Variants in PCLO observed in about 807,000 individuals in gnomAD.
PCLO encodes piccolo presynaptic cytomatrix protein.
A neutral mutation model predicts 427.5 loss-of-function variants in PCLO; 82 were observed. The ratio of observed to expected loss-of-function variants is 0.19; its 90% confidence interval spans 0.16 to 0.23. PCLO has a LOEUF of 0.23. Among genes scored for constraint, PCLO ranks in the 10% least tolerant of loss-of-function variants. PCLO has a pLI of 1.00. For missense variants in PCLO, 6,239 were observed against 6,115.9 expected (o/e 1.02, Z -0.67); for synonymous variants, 2,357 against 2,155.4 (o/e 1.09, Z -2.59).
intron 3 of PCLO, among the ~76,000 whole-genome samples, chr7:83,048,505 G>A (rs1789156477): frequency 6.6e-6 from 1 of 151,868 alleles, no homozygotes; most frequent in African/African-American, 2.4e-5. Flanking sequence ...CCACACCCCA[G>A]GTCACCCAGA....
intron 22 of PCLO, among the ~76,000 whole-genome samples, chr7:82,782,710 T>A (rs1157499246): frequency 1.3e-5 from 2 of 152,352 alleles, no homozygotes; most frequent in East Asian, 1.9e-4. Flanking sequence ...TTTCAGAAAT[T>A]TACTACGGTT....
chr7:82,892,399 T>C (rs1237641355), intron 9 of PCLO, among the ~76,000 whole-genome samples: 3 of 152,136 alleles, frequency 2.0e-5, no homozygotes, highest in Non-Finnish European at 2.9e-5. Flanking sequence ...ACTGGATCCC[T>C]TCCTTACACC....
At chr7:83,091,664 G>C (rs1469828906) in intron 3 of PCLO, among the ~76,000 whole-genome samples, 1 of 151,966 alleles carries the variant, frequency 6.6e-6, no homozygotes, top group Non-Finnish European at 1.5e-5. Flanking sequence ...TGTCAATTTT[G>C]TACATTTGCT....
intron 2 of PCLO, among the ~76,000 whole-genome samples, chr7:83,147,112 G>A (rs1315170614): frequency 6.6e-6 from 1 of 150,400 alleles, no homozygotes; most frequent in East Asian, 1.9e-4. Flanking sequence ...ACTTATGTAT[G>A]TATATAATAT....
At chr7:83,126,902 T>C (rs73180547) in intron 3 of PCLO, among the ~76,000 whole-genome samples, 4,950 of 152,172 alleles carry the variant, frequency 0.033, 107 homozygotes, top group Middle Eastern at 0.068. Context: ...TACTAGTTAA[T>C]GTAGGAAAAA....
chr7:82,878,739 G>T (rs1396801170), intron 10 of PCLO, among the ~76,000 whole-genome samples: 1 of 152,172 alleles, frequency 6.6e-6, no homozygotes, highest in Non-Finnish European at 1.5e-5. Flanking sequence ...TAGTACAGGG[G>T]TTAGCAAATG....
At chr7:82,922,924 A>G (rs1794631879) in intron 6 of PCLO, among the ~76,000 whole-genome samples, 1 of 152,026 alleles carries the variant, frequency 6.6e-6, no homozygotes. Flanking sequence ...CATCATAATA[A>G]TATCTTGGAT....
chr7:82,757,925 G>A lies in PCLO; in HGVS notation c.*650C>T, dbSNP rs1249706206. 6.6e-6 allele frequency: 1 copy of A among 151,882 alleles called. No individual in the cohort carries two copies. The highest frequency in any genetic ancestry group is 1.5e-5 in the Non-Finnish European group (1 of 67,898). The allele number at this position is 151,882 out of a possible 1,614,324, so 9.4% of individuals were successfully genotyped here. On this transcript the variant is annotated 3_prime_UTR_variant, in exon 25 of 25. Transcript: ENST00000333891. Reference sequence around the variant, plus strand: ...AGAAACAAATGTGCTTTTACCACATGGATTCCAAAGTCAGTGTTGTATATG... The same window carrying A: ...AGAAACAAATGTGCTTTTACCACATAGATTCCAAAGTCAGTGTTGTATATG...
chr7:82,845,372 G>A lies in PCLO; in HGVS notation c.13945C>T (p.His4649Tyr). 6.2e-7 allele frequency: 1 copy of A among 1,613,328 alleles called. No individual in the cohort carries two copies. Among genetic ancestry groups the A allele is most frequent in the South Asian group, 1.1e-5 (1 of 91,070 alleles). ...VLSSVVEKGS[H>Y]VHSGPTSAGS... ...GCTGATGTAGGACCTGAATGAACAT[G>A]AGATCCTTTTTCAACAACTGATGAC... Residue 4649 changes from histidine (H) to tyrosine (Y), a missense_variant, in exon 13 of 25, where the codon CAT becomes TAT. By Grantham distance (83) the His-to-Tyr change is moderately conservative. Coordinates refer to ENST00000333891, the MANE Select transcript of PCLO (RefSeq NM_033026.6).
At chr7:83,093,029 G>A (rs1790421204) in intron 3 of PCLO, among the ~76,000 whole-genome samples, 1 of 150,348 alleles carries the variant, frequency 6.7e-6, no homozygotes, top group South Asian at 2.1e-4. Context: ...TAAATATTAT[G>A]TCTACTGAAT....
At chr7:82,788,427 C>G (rs980901997) in intron 22 of PCLO, among the ~76,000 whole-genome samples, 1 of 151,642 alleles carries the variant, frequency 6.6e-6, no homozygotes. Flanking sequence ...AATTACATTT[C>G]TTCTGGTTCA....
At chr7:82,977,174 T>C (rs1052383394) in intron 3 of PCLO, among the ~76,000 whole-genome samples, 2 of 152,102 alleles carry the variant, frequency 1.3e-5, no homozygotes, top group African/African-American at 4.8e-5. Flanking sequence ...CTGTTTTCAA[T>C]AACATCCTAT....
chr7:83,133,762 T>C (rs1460189183), intron 3 of PCLO, among the ~76,000 whole-genome samples: 1 of 152,068 alleles, frequency 6.6e-6, no homozygotes, highest in African/African-American at 2.4e-5. Context: ...GTTCTTAACA[T>C]AGTAGATTTT....
intron 3 of PCLO, among the ~76,000 whole-genome samples, chr7:83,092,508 A>C (rs1203712002): frequency 1.3e-5 from 2 of 152,088 alleles, no homozygotes; most frequent in Non-Finnish European, 2.9e-5. Context: ...TGTACTCCCA[A>C]ATCTACCGTC....
intron 3 of PCLO, among the ~76,000 whole-genome samples, chr7:83,072,841 C>T (rs542790427): frequency 1.3e-5 from 2 of 152,066 alleles, no homozygotes; most frequent in South Asian, 4.1e-4. Context: ...CTCTGCTTTC[C>T]CTGATCAGGA....
At chr7:83,000,360 G>A (rs924555773) in intron 3 of PCLO, among the ~76,000 whole-genome samples, 2 of 151,252 alleles carry the variant, frequency 1.3e-5, no homozygotes, top group South Asian at 4.2e-4. Flanking sequence ...ACAAAGTAAA[G>A]GAGAAATAAA....
At chr7:83,118,844 C>G (rs549482092) in intron 3 of PCLO, among the ~76,000 whole-genome samples, 141 of 152,182 alleles carry the variant, frequency 9.3e-4, no homozygotes, top group Non-Finnish European at 1.8e-3. Context: ...AACAGTGGAG[C>G]TGGGGTGCAT....
At chr7:83,100,457 A>G (rs1790709394) in intron 3 of PCLO, among the ~76,000 whole-genome samples, 1 of 152,226 alleles carries the variant, frequency 6.6e-6, no homozygotes, top group Admixed American at 6.5e-5. Flanking sequence ...CATATACATC[A>G]TGGAATACTA....
chr7:82,766,719 A>G (rs1197389798), intron 22 of PCLO, among the ~76,000 whole-genome samples: 8 of 152,118 alleles, frequency 5.3e-5, no homozygotes, highest in Admixed American at 1.3e-4. Context: ...AACACACCGC[A>G]TATGTGAAAT....
Sources: allele counts gnomAD v4.1 joint callset (sites outside exome capture counted in the v4.1 genomes callset), GRCh38; gene constraint gnomAD v4.1.1; transcripts MANE v1.5; gene names NCBI Gene and HGNC (gene_info 2026-07-23, HGNC 2026-07-21).